The following PCNX4 variants were observed in gnomAD, a reference collection of about 807,000 sequenced individuals.
The protein encoded by PCNX4 is pecanex-like protein 4.
A neutral mutation model predicts 107.2 loss-of-function variants in PCNX4; 103 were observed. The ratio of observed to expected loss-of-function variants is 0.96; its 90% CI spans 0.82 to 1.13. PCNX4 has a LOEUF of 1.13. Among genes scored for constraint, PCNX4 ranks in the 50% most tolerant of loss-of-function variants. The pLI, the probability that PCNX4 is intolerant of heterozygous loss-of-function variation, is 0.00. For synonymous variants in PCNX4, 541 were observed against 481.7 expected, an observed-to-expected ratio of 1.12 and a Z score of -1.61; for missense variants, 1,528 against 1,379.4, an observed-to-expected ratio of 1.11 and a Z score of -1.71.
At chr14:60,130,870 G>A (rs888780447) in intron 10 of PCNX4, among the ~76,000 whole-genome samples, 1 of 152,116 alleles carries the variant, frequency 6.6e-6, no homozygotes, top group Non-Finnish European at 1.5e-5. Flanking sequence ...GGGAGGCCGA[G>A]GCAGGCGGAT....
intron 1 of PCNX4, among the ~76,000 whole-genome samples, chr14:60,093,356 C>T (rs1465057336): frequency 1.3e-5 from 2 of 152,182 alleles, no homozygotes; most frequent in Non-Finnish European, 1.5e-5. Flanking sequence ...CCTCCCTCCC[C>T]CCATTATCCT....
Position 60,107,605 on chromosome 14 carries a change from A to G in PCNX4, c.-34A>G, listed in dbSNP as rs773668706. 6.5e-7 allele frequency: 1 copy of G among 1,530,614 alleles called. No homozygotes were observed. The allele number at this position is 1,530,614 out of a possible 1,614,324, so 94.8% of individuals were successfully genotyped here. On this transcript the variant is annotated 5_prime_UTR_variant, in exon 2 of 11. Coordinates refer to ENST00000406854, the MANE Select transcript of PCNX4 (RefSeq NM_001330177.2). ...TTTTAGAAACTGCTGTGTTACAGAA[A>G]AGCATGTGACTTTCAGAATAATCCC...
chr14:60,093,857 T>C (rs1895364489), intron 1 of PCNX4, among the ~76,000 whole-genome samples: 1 of 152,204 alleles, frequency 6.6e-6, no homozygotes, highest in Non-Finnish European at 1.5e-5. Flanking sequence ...ATACTTATTA[T>C]TGTCTGCCAT....
chr14:60,133,921 A>G (rs757469785), intron 10 of PCNX4, 49 bp from the exon 11 acceptor site: 3 of 1,527,408 alleles, frequency 2.0e-6, no homozygotes, highest in African/African-American at 2.8e-5. Flanking sequence ...AAAGACCTAA[A>G]TGGAATCTCT....
At position 60,114,757 on chromosome 14, in the gene PCNX4, T is replaced by G. The variant is rs1371361336; in HGVS notation, c.747T>G (p.Phe249Leu). The G allele has an allele frequency of 1.1e-5, 17 of 1,613,790 alleles. No individual in the cohort carries two copies. The highest frequency in any genetic ancestry group is 1.4e-5 in the Non-Finnish European group (16 of 1,179,858). The change falls in exon 3 of 11, where the codon TTT (phenylalanine) becomes TTG (leucine). Residue 249 changes from phenylalanine to leucine, a missense_variant. Transcript: ENST00000406854. ...TGAATCAGATTTTACACATCTTGTT[T>G]GTATTTTTACCCTTTCTGTGGGCAC... ...EHMNQILHILFVFLPFLWALG... is the reference protein window; with the variant it reads ...EHMNQILHILLVFLPFLWALG...
intron 1 of PCNX4, among the ~76,000 whole-genome samples, chr14:60,105,138 G>A (rs1029471573): frequency 6.6e-6 from 1 of 152,140 alleles, no homozygotes; most frequent in African/African-American, 2.4e-5. Flanking sequence ...TTCAGCTTTT[G>A]GAGAATTTTG....
chr14:60,118,678 C>T lies in PCNX4; in HGVS notation c.1928C>T (p.Ala643Val), dbSNP rs2140554213. Residue 643 changes from alanine (A) to valine (V), a missense_variant, in exon 7 of 11, where the codon GCA becomes GTA. Coordinates refer to ENST00000406854, the MANE Select transcript of PCNX4 (RefSeq NM_001330177.2). Reference protein sequence around the residue: ...RLTAVLQTAMAAGSLGLLLPG... With the variant: ...RLTAVLQTAMVAGSLGLLLPG... The stretch of plus-strand genomic sequence containing the variant: ...ACTGCTGTACTGCAGACTGCAATGG[C>T]AGCTGGAAGTTTAGGTAAGTAAATG... 11 of 1,572,722 alleles carry T rather than the reference C, an allele frequency of 7.0e-6. No homozygotes were observed. Among genetic ancestry groups the T allele is most frequent in the Middle Eastern group, 1.7e-4 (1 of 5,856 alleles).
chr14:60,134,535 G>A lies in PCNX4; in HGVS notation c.*314G>A, dbSNP rs2140572022. 2 of 268,128 alleles carry A rather than the reference G, an allele frequency of 7.5e-6. No homozygotes were observed. The highest frequency in any genetic ancestry group is 8.1e-5 in the East Asian group (1 of 12,394). 16.6% of individuals were successfully genotyped at this position (268,128 alleles called of 1,614,324 possible). A position where few individuals can be genotyped will look rare whatever the true frequency, so the allele number is the denominator to read the frequency against. ...AATTTTGTAATGCTTTCTTAAATGTGTTATAGGTGAATTGCCATACAAAGT... is the reference window on the plus strand; with the variant it reads ...AATTTTGTAATGCTTTCTTAAATGTATTATAGGTGAATTGCCATACAAAGT... On this transcript the variant is annotated 3_prime_UTR_variant, in exon 11 of 11. Transcript: ENST00000406854.
chr14:60,106,942 G>A (rs1487607496), intron 1 of PCNX4, among the ~76,000 whole-genome samples: 2 of 152,102 alleles, frequency 1.3e-5, no homozygotes, highest in African/African-American at 4.8e-5. Context: ...GATTTATATG[G>A]CTATTGAATA....
rs542709478 is a variant in PCNX4 at position 60,117,509 on chromosome 14, G to A, written c.1579-820G>A. On this transcript the variant is annotated intron_variant, in intron 6 of 10. Transcript: ENST00000406854. ...TAATATTCACTCAATGATGAGTCTC[G>A]TTATTAGTGAACATATGTTTTCATT... is the stretch of plus-strand genomic sequence containing the variant. 1.2e-3 allele frequency among the ~76,000 whole-genome samples: 178 copies of A among 152,258 alleles called. 2 individuals are homozygous for A. The highest frequency in any genetic ancestry group is 1.8e-3 in the Non-Finnish European group (125 of 68,012).
Position 60,124,738 on chromosome 14 carries a change from CAGT to C in PCNX4, c.2570_2572del (p.Val857del). ...GGTACAAATTTGTTTATTCCAGGAT[CAGT>C]AGAATCACAGAGGGTTGGTGATCAT... On this transcript the variant is annotated inframe_deletion, in exon 9 of 11. Transcript: ENST00000406854. The C allele has an allele frequency of 6.2e-7, 1 of 1,613,098 alleles. No homozygotes were observed. The highest frequency in any genetic ancestry group is 1.3e-5 in the African/African-American group (1 of 75,034).
chr14:60,122,776 T>C (rs1417818363), intron 8 of PCNX4, among the ~76,000 whole-genome samples: 1 of 152,132 alleles, frequency 6.6e-6, no homozygotes, highest in Non-Finnish European at 1.5e-5. Flanking sequence ...TGGCACAGAA[T>C]AGGCCTTTAA....
intron 1 of PCNX4, among the ~76,000 whole-genome samples, chr14:60,099,460 T>C (rs889794574): frequency 2.0e-5 from 3 of 152,224 alleles, no homozygotes; most frequent in African/African-American, 7.2e-5. Context: ...TAAATTAACT[T>C]TATCTTTCTT....
Position 60,118,382 on chromosome 14 carries a change from C to T in PCNX4, c.1632C>T (p.Ala544=), listed in dbSNP as rs377696401. The change falls in exon 7 of 11, where the codon GCC becomes GCT. Residue 544 remains alanine, a synonymous_variant. Coordinates refer to ENST00000406854, the MANE Select transcript of PCNX4 (RefSeq NM_001330177.2). ...AGTTCATCTCTAAATTGCAGTTTGC[C>T]GTGACTGTGCTTTTGACATCATGGA... The part of the protein sequence containing the change: ...LIQFISKLQF[A]VTVLLTSWTE... 138 of 1,613,032 alleles carry T rather than the reference C, an allele frequency of 8.6e-5. No individual in the cohort carries two copies. The highest frequency in any genetic ancestry group is 1.1e-4 in the Non-Finnish European group (130 of 1,179,538).
chr14:60,121,156 ATTTTCTT>A, intron 7 of PCNX4, 33 bp from the exon 8 acceptor site: 1 of 1,349,698 alleles, frequency 7.4e-7, no homozygotes, highest in East Asian at 3.0e-5. Flanking sequence ...TTTGAAAATG[ATTTTCTT>A]TTTTTTTTTT....
chr14:60,098,576 G>T (rs1895470597), intron 1 of PCNX4, among the ~76,000 whole-genome samples: 1 of 152,122 alleles, frequency 6.6e-6, no homozygotes, highest in African/African-American at 2.4e-5. Context: ...CTTTCCTTTG[G>T]TTGGGGAGCG....
intron 1 of PCNX4, among the ~76,000 whole-genome samples, chr14:60,105,936 G>A (rs957541061): frequency 2.0e-5 from 3 of 152,070 alleles, no homozygotes; most frequent in Non-Finnish European, 4.4e-5. Context: ...CTGTCTGATG[G>A]CATCTTCCAT....
chr14:60,096,675 G>A (rs1484323518), intron 1 of PCNX4, among the ~76,000 whole-genome samples: 1 of 152,192 alleles, frequency 6.6e-6, no homozygotes, highest in East Asian at 1.9e-4. Flanking sequence ...AAGCCATTCA[G>A]TGTCTTGTAA....
In PCNX4 at chr14:60,122,426, T is replaced by C. The variant is rs1028282469; in HGVS notation, c.2046+1127T>C. 2.6e-5 allele frequency among the ~76,000 whole-genome samples: 4 copies of C among 152,032 alleles called. No individual in the cohort carries two copies. The South Asian group carries it at 8.3e-4, about 32-fold the overall frequency. On this transcript the variant is annotated intron_variant, in intron 8 of 10. Coordinates refer to ENST00000406854, the MANE Select transcript of PCNX4 (RefSeq NM_001330177.2). ...TCTCACTCTATTCCAGCCTCCTGGC[T>C]ATTCCCTCTGCCTAAAACACTCTAC...
Sources: allele counts gnomAD v4.1 joint callset (sites outside exome capture counted in the v4.1 genomes callset), GRCh38; gene constraint gnomAD v4.1.1; transcripts MANE v1.5; gene names NCBI Gene and HGNC (gene_info 2026-07-23, HGNC 2026-07-21).